MCPH1: variants seen among roughly 807,000 people sequenced by gnomAD.
MCPH1 encodes microcephalin 1, also known as microcephalin.
MCPH1 carries 104 observed loss-of-function variants against 84.5 expected under a neutral mutation model. The observed-to-expected ratio is 1.23, with a 90% CI of 1.05 to 1.45. The LOEUF is 1.45. Among genes scored for constraint, MCPH1 ranks in the 40% most tolerant of loss-of-function variants. The pLI is 0.00. For synonymous variants in MCPH1, 514 were observed against 366.8 expected (o/e 1.40, Z -4.58); for missense variants, 1,498 against 1,005.7 (o/e 1.49, Z -6.62).
intron 11 of MCPH1, 120 bp downstream of exon 11, chr8:6,480,996 C>T: frequency 8.3e-7 from 1 of 1,205,106 alleles, no homozygotes. Context: ...GCACACTTTC[C>T]TGTGAGCTGG....
rs367956503 is a variant in MCPH1 at position 6,543,012 on chromosome 8, G to C, written c.2214+43083G>C. ...TTTAAAAAGGGAGAGGAGCGGACTT[G>C]GGAATGCTGATGGGAATGCTTGAGA... is the stretch of plus-strand genomic sequence containing the variant. On this transcript the variant is annotated intron_variant, in intron 12 of 13. Coordinates refer to ENST00000344683, the MANE Select transcript of MCPH1 (RefSeq NM_024596.5). Among the ~76,000 whole-genome samples, 11 of 152,308 alleles carry C rather than the reference G, an allele frequency of 7.2e-5. No homozygotes were observed. The East Asian group carries it at 7.7e-4, about 11-fold the overall frequency.
At chr8:6,512,829 A>G (rs189507134) in intron 12 of MCPH1, among the ~76,000 whole-genome samples, 3 of 152,360 alleles carry the variant, frequency 2.0e-5, no homozygotes, top group African/African-American at 7.2e-5. Flanking sequence ...GTAAACACCC[A>G]GGGAATGCTG....
At chr8:6,409,477 G>T in intron 2 of MCPH1, 107 bp downstream of exon 2, 2 of 889,712 alleles carry the variant, frequency 2.2e-6, no homozygotes, top group South Asian at 2.7e-5. Context: ...TCTGGACGAA[G>T]CAATGGGTAA....
intron 3 of MCPH1, among the ~76,000 whole-genome samples, chr8:6,426,901 G>A (rs912316069): frequency 1.3e-5 from 2 of 152,094 alleles, no homozygotes; most frequent in African/African-American, 4.8e-5. Context: ...ATACAATTCA[G>A]TGGTTTTAAA....
intron 3 of MCPH1, among the ~76,000 whole-genome samples, chr8:6,427,262 C>G (rs764229527): frequency 1.3e-5 from 2 of 152,130 alleles, no homozygotes; most frequent in Admixed American, 6.6e-5. Context: ...GAGTGGTGAG[C>G]GAATGTGAAG....
intron 11 of MCPH1, among the ~76,000 whole-genome samples, chr8:6,489,410 G>C (rs1440711036): frequency 3.3e-5 from 5 of 152,124 alleles, no homozygotes; most frequent in Non-Finnish European, 2.9e-5. Context: ...GTCTCAGGAA[G>C]GAAGGATGCT....
At position 6,431,560 on chromosome 8, in the gene MCPH1, CACTT is replaced by C; in HGVS notation, c.297_300del (p.Leu100GlnfsTer3). 1 of 1,612,284 alleles carries C rather than the reference CACTT, an allele frequency of 6.2e-7. No homozygotes were observed. The highest frequency in any genetic ancestry group is 8.5e-7 in the Non-Finnish European group (1 of 1,178,840). ...GTTCCCTGCAGCTAATATGAATGAA[CACTT>C]ATCAAGCCTAATTAAAAAAAAAGTA... On this transcript the variant is annotated frameshift_variant, in exon 4 of 14. Transcript: ENST00000344683. LOFTEE classifies it high-confidence loss of function.
At chr8:6,413,988 C>A (rs1334590736) in intron 2 of MCPH1, among the ~76,000 whole-genome samples, 1 of 152,192 alleles carries the variant, frequency 6.6e-6, no homozygotes, top group Admixed American at 6.5e-5. Flanking sequence ...TTTCTGACCT[C>A]ATGATCCACC....
At position 6,450,825 on chromosome 8, in the gene MCPH1, C is replaced by T. The variant is rs115742762; in HGVS notation, c.1826-4318C>T. Among the ~76,000 whole-genome samples the T allele has an allele frequency of 2.9e-3, 439 of 152,152 alleles. 2 individuals are homozygous for T. Among genetic ancestry groups the T allele is most frequent in the African/African-American group, 9.5e-3 (393 of 41,524 alleles). On this transcript the variant is annotated intron_variant, in intron 8 of 13. Coordinates refer to ENST00000344683, the MANE Select transcript of MCPH1 (RefSeq NM_024596.5). ...TGACATGATCGCAGCTCAATGCAGC[C>T]TCAACTTACTGGGCTCAAGTGATCC... is the stretch of plus-strand genomic sequence containing the variant.
intron 12 of MCPH1, chr8:6,616,322 G>C (rs1295434310): frequency 6.6e-6 from 1 of 151,730 alleles, no homozygotes; most frequent in Admixed American, 6.6e-5. Context: ...TGGAGTAAAT[G>C]AACCGTCAGC....
At chr8:6,435,441 A>G (rs561277370) in intron 4 of MCPH1, among the ~76,000 whole-genome samples, 1 of 152,270 alleles carries the variant, frequency 6.6e-6, no homozygotes, top group Non-Finnish European at 1.5e-5. Context: ...GAGAAAACAA[A>G]GTGTGATCTG....
In MCPH1 at chr8:6,519,808, C is replaced by G. The variant is rs1218304260; in HGVS notation, c.2214+19879C>G. 5.0e-6 allele frequency: 8 copies of G among 1,592,028 alleles called. No homozygotes were observed. In the East Asian group the frequency reaches 1.8e-4, roughly 36 times the overall value. ...GACTTCTGCTCTCTGGTTCCTCACT[C>G]ACTAAAGTGGCCTGCCTAGAGCCAG... On this transcript the variant is annotated intron_variant, in intron 12 of 13. Transcript: ENST00000344683.
chr8:6,560,513 G>A (rs1046376956), intron 12 of MCPH1, among the ~76,000 whole-genome samples: 6 of 152,274 alleles, frequency 3.9e-5, no homozygotes, highest in Non-Finnish European at 7.4e-5. Flanking sequence ...GCCAGAAGCC[G>A]TAAACCGAGC....
At chr8:6,611,306 CT>C (rs1167177418) in intron 12 of MCPH1, among the ~76,000 whole-genome samples, 1 of 152,230 alleles carries the variant, frequency 6.6e-6, no homozygotes, top group Non-Finnish European at 1.5e-5. Flanking sequence ...GCCTGCCCCC[CT>C]ACCCATGCCA....
chr8:6,576,483 G>A (rs963145296), intron 12 of MCPH1, among the ~76,000 whole-genome samples: 2 of 89,862 alleles, frequency 2.2e-5, no homozygotes, highest in African/African-American at 4.2e-5. Context: ...TTCCCTTCCC[G>A]TTTCCTTTTC....
intron 12 of MCPH1, among the ~76,000 whole-genome samples, chr8:6,540,388 T>C (rs1042917261): frequency 2.0e-5 from 3 of 152,258 alleles, no homozygotes; most frequent in African/African-American, 7.2e-5. Flanking sequence ...AGGAGACTGC[T>C]GTAGTAACCT....
chr8:6,473,795 CAG>C (rs1438764747), intron 9 of MCPH1: 1 of 1,054,272 alleles, frequency 9.5e-7, no homozygotes, highest in African/African-American at 1.6e-5. Flanking sequence ...ATGATGTCAG[CAG>C]AGAGATATCA....
chr8:6,432,198 G>C (rs1414609039), intron 4 of MCPH1, among the ~76,000 whole-genome samples: 1 of 152,186 alleles, frequency 6.6e-6, no homozygotes, highest in African/African-American at 2.4e-5. Flanking sequence ...TCAAACTCCT[G>C]GCCCCAAGTG....
chr8:6,466,229 C>G (rs555585435), intron 9 of MCPH1, among the ~76,000 whole-genome samples: 1 of 150,950 alleles, frequency 6.6e-6, no homozygotes, highest in East Asian at 2.0e-4. Context: ...CTCCGCTTCC[C>G]AGGTTCAAGT....
Sources: gnomAD v4.1 joint callset for allele counts (sites outside exome capture counted in the v4.1 genomes callset) on GRCh38, gnomAD v4.1.1 for gene constraint, MANE v1.5 for transcripts, NCBI Gene and HGNC (gene_info 2026-07-23, HGNC 2026-07-21) for gene names.